Variants in IGSF10 observed in about 807,000 individuals in gnomAD.
The protein encoded by IGSF10 is immunoglobulin superfamily member 10.
In IGSF10, 126 loss-of-function variants were observed where a neutral mutation model predicts 128.2. The ratio of observed to expected loss-of-function variants is 0.98; its 90% CI spans 0.85 to 1.14. The LOEUF is 1.14. Ranked by LOEUF, IGSF10 falls within the 50% of genes most tolerant of loss-of-function variation. The pLI is 0.00. For synonymous variants in IGSF10, 1,185 were observed against 1,146.2 expected, an observed-to-expected ratio of 1.03 and a Z score of -0.68; for missense variants, 3,295 against 3,149.8, an observed-to-expected ratio of 1.05 and a Z score of -1.10.
the IGSF10 span, among the ~76,000 whole-genome samples, chr3:151,510,493 A>G: frequency 6.6e-6 from 1 of 152,214 alleles, no homozygotes; most frequent in African/African-American, 2.4e-5. Flanking sequence ...CCAAAGGCAG[A>G]TAAAACCACA....
At chr3:151,490,177 A>C in the IGSF10 span, among the ~76,000 whole-genome samples, 1 of 152,210 alleles carries the variant, frequency 6.6e-6, no homozygotes, top group Non-Finnish European at 1.5e-5. Flanking sequence ...ACATAGGCTG[A>C]AAGTGAAGGG....
At chr3:151,544,114 G>T in the IGSF10 span, among the ~76,000 whole-genome samples, 12 of 152,270 alleles carry the variant, frequency 7.9e-5, no homozygotes, top group African/African-American at 2.6e-4. Context: ...TCCCCATATT[G>T]CCCAGGCTGG....
At chr3:151,605,815 A>G in the IGSF10 span, among the ~76,000 whole-genome samples, 1 of 152,324 alleles carries the variant, frequency 6.6e-6, no homozygotes, top group South Asian at 2.1e-4. Flanking sequence ...AAGTCAAAGC[A>G]GTGGCCCCAA....
At chr3:151,598,070 G>GGTGTGT in the IGSF10 span, among the ~76,000 whole-genome samples, 7,774 of 137,660 alleles carry the variant, frequency 0.056, 265 homozygotes, top group East Asian at 0.11. Flanking sequence ...AATGAGTACT[G>GGTGTGT]GTGTGTGTGT....
At chr3:151,536,148 G>A in the IGSF10 span, among the ~76,000 whole-genome samples, 1 of 152,166 alleles carries the variant, frequency 6.6e-6, no homozygotes. Context: ...ATGCCATGAA[G>A]TCTAGCATTG....
the IGSF10 span, among the ~76,000 whole-genome samples, chr3:151,484,895 T>C: frequency 5.1e-4 from 78 of 152,144 alleles, no homozygotes; most frequent in African/African-American, 1.9e-3. Context: ...AAGCCTCTTC[T>C]CCTCCAAAGG....
chr3:151,587,783 A>G, the IGSF10 span, among the ~76,000 whole-genome samples: 1 of 152,332 alleles, frequency 6.6e-6, no homozygotes, highest in South Asian at 2.1e-4. Context: ...TCTCATGATA[A>G]TGAATGAGAC....
the IGSF10 span, among the ~76,000 whole-genome samples, chr3:151,558,031 G>GATATATATAATATATATATTTTATATA: frequency 3.1e-4 from 1 of 3,222 alleles, no homozygotes; most frequent in African/African-American, 6.4e-4. Context: ...ATATATATTG[G>GATATATATAATATATATATTTTATATA]TACAATATGT....
the IGSF10 span, among the ~76,000 whole-genome samples, chr3:151,522,375 G>A: frequency 6.6e-6 from 1 of 152,014 alleles, no homozygotes; most frequent in Non-Finnish European, 1.5e-5. Flanking sequence ...CCAAAACCTG[G>A]CAGAGACACA....
chr3:151,464,632 T>C (rs1722219645), upstream of IGSF10, among the ~76,000 whole-genome samples: 1 of 152,166 alleles, frequency 6.6e-6, no homozygotes, highest in Admixed American at 6.5e-5. Flanking sequence ...AATGCCAAAA[T>C]TGTTACATAT....
chr3:151,522,206 G>T, the IGSF10 span, among the ~76,000 whole-genome samples: 2 of 151,904 alleles, frequency 1.3e-5, no homozygotes, highest in East Asian at 1.9e-4. Context: ...CTAATAAATA[G>T]CTTGCCAACC....
At chr3:151,479,360 TC>T in the IGSF10 span, among the ~76,000 whole-genome samples, 1 of 151,532 alleles carries the variant, frequency 6.6e-6, no homozygotes, top group Admixed American at 6.6e-5. Flanking sequence ...CTTTTAAACG[TC>T]TTTTAATTAA....
the IGSF10 span, among the ~76,000 whole-genome samples, chr3:151,496,500 T>C: frequency 7.2e-6 from 1 of 138,844 alleles, no homozygotes; most frequent in Non-Finnish European, 1.5e-5. Flanking sequence ...TCCAGCTTCA[T>C]CCATGTCCCT....
Position 151,447,490 on chromosome 3 carries a change from T to C in IGSF10, c.2491A>G (p.Ser831Gly). Residue 831 changes from serine (S) to glycine (G), a missense_variant, in exon 6 of 8, where the codon AGT becomes GGT. Transcript: ENST00000282466. Reference protein sequence around the residue: ...VTADSRTISDSPMTNINYGTE... With the variant: ...VTADSRTISDGPMTNINYGTE... ...CCATAATTTATGTTTGTCATAGGAC[T>C]ATCAGATATTGTTCTGGAGTCAGCA... 1.2e-6 allele frequency: 2 copies of C among 1,614,146 alleles called. No individual in the cohort carries two copies. The highest frequency in any genetic ancestry group is 4.5e-5 in the East Asian group (2 of 44,886).
the IGSF10 span, among the ~76,000 whole-genome samples, chr3:151,525,002 CTTTTTTTTTTTTTTTTTT>C: frequency 2.0e-4 from 10 of 49,736 alleles, no homozygotes; most frequent in Non-Finnish European, 2.7e-4. Context: ...TGCATTACAC[CTTTTTTTTTTTTTTTTTT>C]TTTTTTTTTT....
chr3:151,615,898 GTTTA>G, the IGSF10 span, among the ~76,000 whole-genome samples: 3 of 150,310 alleles, frequency 2.0e-5, no homozygotes, highest in Non-Finnish European at 3.0e-5. Flanking sequence ...ATAGGGATTC[GTTTA>G]TTTATCCACT....
chr3:151,525,970 T>A, the IGSF10 span, among the ~76,000 whole-genome samples: 1 of 152,140 alleles, frequency 6.6e-6, no homozygotes, highest in African/African-American at 2.4e-5. Flanking sequence ...TTACAGAACA[T>A]GTACACCGGG....
At chr3:151,556,011 C>T in the IGSF10 span, among the ~76,000 whole-genome samples, 1 of 152,164 alleles carries the variant, frequency 6.6e-6, no homozygotes, top group Non-Finnish European at 1.5e-5. Flanking sequence ...TTCACACATA[C>T]TGAACCCTCA....
chr3:151,553,486 C>G, the IGSF10 span, among the ~76,000 whole-genome samples: 2 of 151,966 alleles, frequency 1.3e-5, no homozygotes, highest in African/African-American at 4.8e-5. Context: ...ATGTTTCATA[C>G]CATGTTAAAA....
Sources: gnomAD v4.1 joint callset for allele counts (sites outside exome capture counted in the v4.1 genomes callset) on GRCh38, gnomAD v4.1.1 for gene constraint, MANE v1.5 for transcripts, NCBI Gene and HGNC (gene_info 2026-07-23, HGNC 2026-07-21) for gene names.